CFAP46: variants seen among roughly 807,000 people sequenced by gnomAD.
CFAP46 encodes cilia and flagella associated protein 46, also known as cilia- and flagella-associated protein 46.
A neutral mutation model predicts 325.7 loss-of-function variants in CFAP46; 245 were observed. The ratio of observed to expected loss-of-function variants is 0.75; its 90% confidence interval spans 0.68 to 0.84. The LOEUF (loss-of-function observed/expected upper bound fraction) is 0.84. Among genes scored for constraint, CFAP46 ranks in the 40% least tolerant of loss-of-function variants. The probability of loss-of-function intolerance (pLI) is 0.00; values close to 1 mark genes in which losing one functional copy is unlikely to be tolerated. For synonymous variants in CFAP46, 1,523 were observed against 1,495.9 expected, an observed-to-expected ratio of 1.02 and a Z score of -0.42; for missense variants, 3,346 against 3,543.0, an observed-to-expected ratio of 0.94 and a Z score of 1.41.
At chr10:132,914,820 G>A (rs551913030) in intron 17 of CFAP46, among the ~76,000 whole-genome samples, 2 of 150,918 alleles carry the variant, frequency 1.3e-5, no homozygotes, top group East Asian at 2.0e-4. Flanking sequence ...CTGCACCCCG[G>A]CCCGAGGCTG....
chr10:132,821,246 G>A (rs1313602716), intron 50 of CFAP46, among the ~76,000 whole-genome samples: 1 of 143,096 alleles, frequency 7.0e-6, no homozygotes, highest in Non-Finnish European at 1.5e-5. Flanking sequence ...TGTGCTGTGT[G>A]TGTGCTGTGT....
intron 16 of CFAP46, 30 bp from the exon 17 acceptor site, chr10:132,916,712 C>A (rs954331074): frequency 7.0e-7 from 1 of 1,429,418 alleles, no homozygotes; most frequent in Admixed American, 2.8e-5. Context: ...TGGGAGGGGT[C>A]ATGGGCGGAG....
intron 24 of CFAP46, among the ~76,000 whole-genome samples, chr10:132,893,622 G>T (rs1849283207): frequency 6.6e-6 from 1 of 152,188 alleles, no homozygotes; most frequent in South Asian, 2.1e-4. Context: ...ATGTGACAAG[G>T]ACCCCGTCTT....
At chr10:132,858,882 G>A (rs1158643246) in intron 38 of CFAP46, among the ~76,000 whole-genome samples, 189 bp downstream of exon 38, 6 of 152,118 alleles carry the variant, frequency 3.9e-5, no homozygotes, top group Non-Finnish European at 8.8e-5. Context: ...CTCCCCCGAC[G>A]GGGAGGGCTG....
intron 1 of CFAP46, 130 bp downstream of exon 1, chr10:132,942,306 C>T (rs1009196801): frequency 2.1e-5 from 17 of 821,410 alleles, no homozygotes; most frequent in Admixed American, 5.3e-5. Flanking sequence ...GTGGGGGCTC[C>T]GGCTGTGGCC....
At chr10:132,878,697 A>G (rs1375502616) in intron 29 of CFAP46, among the ~76,000 whole-genome samples, 6 of 152,064 alleles carry the variant, frequency 3.9e-5, no homozygotes, top group Non-Finnish European at 7.4e-5. Context: ...GTGGGGGGTT[A>G]GCGTGGAGCA....
At position 132,820,782 on chromosome 10, in the gene CFAP46, C is replaced by T. The variant is rs370105700; in HGVS notation, c.7118-5868G>A. Among the ~76,000 whole-genome samples the T allele has an allele frequency of 7.9e-3, 377 of 47,906 alleles. 2 individuals are homozygous for T. Among genetic ancestry groups the T allele is most frequent in the South Asian group, 0.042 (52 of 1,230 alleles). 31.4% of individuals were successfully genotyped at this position (47,906 alleles called of 152,430 possible). ...GATGTGTGCTGTGTGTGCGCTGATG[C>T]GTGCTGTGTGAGCACTGATGTGTGC... On this transcript the variant is annotated intron_variant, in intron 50 of 57. Transcript: ENST00000368586.
chr10:132,913,349 GCTGCAGGGCAAGAA>G, intron 17 of CFAP46, 91 bp from the exon 18 acceptor site: 1 of 784,632 alleles, frequency 1.3e-6, no homozygotes, highest in African/African-American at 1.7e-5. Flanking sequence ...TAGGAACCAG[GCTGCAGGGCAAGAA>G]GTGGGAGGGG....
intron 35 of CFAP46, among the ~76,000 whole-genome samples, chr10:132,862,637 C>T (rs1260318772): frequency 6.6e-6 from 1 of 150,466 alleles, no homozygotes; most frequent in African/African-American, 2.5e-5. Context: ...GTGGGAGAGC[C>T]CAGGGGAGGT....
intron 24 of CFAP46, among the ~76,000 whole-genome samples, chr10:132,897,487 G>T (rs1023541275): frequency 6.6e-6 from 1 of 152,214 alleles, no homozygotes; most frequent in Non-Finnish European, 1.5e-5. Flanking sequence ...GGTAGGAACC[G>T]CATATCTAGG....
At chr10:132,925,023 C>CA in intron 10 of CFAP46, 137 bp from the exon 11 acceptor site, 2 of 638,772 alleles carry the variant, frequency 3.1e-6, no homozygotes, top group Non-Finnish European at 4.7e-6. Context: ...TCAAATCTGT[C>CA]CGTGAAAATG....
chr10:132,887,048 A>G (rs1455437794), intron 25 of CFAP46, among the ~76,000 whole-genome samples: 1 of 124,538 alleles, frequency 8.0e-6, no homozygotes, highest in Non-Finnish European at 1.7e-5. Context: ...TTCTCCTCTC[A>G]TCTTCTCTCT....
intron 22 of CFAP46, among the ~76,000 whole-genome samples, chr10:132,903,512 C>A (rs1849417901): frequency 6.6e-6 from 1 of 152,254 alleles, no homozygotes; most frequent in Admixed American, 6.5e-5. Flanking sequence ...GCTCTCCAGG[C>A]TGCAGCATGT....
At chr10:132,840,945 G>A (rs1370689244) in intron 44 of CFAP46, among the ~76,000 whole-genome samples, 1 of 152,176 alleles carries the variant, frequency 6.6e-6, no homozygotes, top group Non-Finnish European at 1.5e-5. Context: ...TCCGTGGCGA[G>A]GGGGCTGAGT....
rs373358798 is a variant in CFAP46 at position 132,851,316 on chromosome 10, C to G, written c.5575-11G>C. On this transcript the variant is annotated splice_polypyrimidine_tract_variant and intron_variant, in intron 39 of 57. Transcript: ENST00000368586. ...GTTGACGTTCTGCAACTGAGGGGGT[C>G]AGGCATGCCTCTGAAGCATGGAAGC... 3.2e-5 allele frequency: 52 copies of G among 1,611,444 alleles called. No homozygotes were observed. The highest frequency in any genetic ancestry group is 2.3e-4 in the Admixed American group (14 of 59,806).
intron 55 of CFAP46, among the ~76,000 whole-genome samples, chr10:132,812,155 G>A (rs2134752577): frequency 6.6e-6 from 1 of 152,356 alleles, no homozygotes; most frequent in Middle Eastern, 3.4e-3. Flanking sequence ...GGCTGCGCCT[G>A]CTGTCTCCGT....
chr10:132,821,651 CTGA>C (rs1242119688), intron 50 of CFAP46, among the ~76,000 whole-genome samples: 6 of 110,696 alleles, frequency 5.4e-5, no homozygotes, highest in African/African-American at 1.5e-4. Context: ...TGTGTGAGTG[CTGA>C]TGTGTGCTGT....
Position 132,916,541 on chromosome 10 carries a change from C to G in CFAP46, c.2120+8G>C. ...GCGGTGCTCAAGGCCACTGTCGCCT[C>G]TGCCCACCTGTATGTGATCCACTCA... On this transcript the variant is annotated splice_region_variant and intron_variant, in intron 17 of 57. Coordinates refer to ENST00000368586, the MANE Select transcript of CFAP46 (RefSeq NM_001200049.3). 1 of 1,546,624 alleles carries G rather than the reference C, an allele frequency of 6.5e-7. No individual in the cohort carries two copies. The highest frequency in any genetic ancestry group is 8.7e-7 in the Non-Finnish European group (1 of 1,145,134).
chr10:132,930,975 C>T (rs1849889374), intron 8 of CFAP46, among the ~76,000 whole-genome samples: 1 of 124,184 alleles, frequency 8.1e-6, no homozygotes, highest in African/African-American at 3.1e-5. Flanking sequence ...GAGCCTGGGC[C>T]TCCCTACACT....
Sources: allele counts gnomAD v4.1 joint callset (sites outside exome capture counted in the v4.1 genomes callset), GRCh38; gene constraint gnomAD v4.1.1; transcripts MANE v1.5; gene names NCBI Gene and HGNC (gene_info 2026-07-23, HGNC 2026-07-21).